PPM1E: variants seen among roughly 807,000 people sequenced by gnomAD.
PPM1E encodes protein phosphatase 1E.
In PPM1E, 20 loss-of-function variants were observed where a neutral mutation model predicts 65.9. The observed-to-expected ratio is 0.30, with a 90% CI of 0.21 to 0.44. The LOEUF is 0.44. PPM1E is among the 20% of genes least tolerant of loss of function. The pLI, the probability that PPM1E is intolerant of heterozygous loss-of-function variation, is 1.00. For synonymous variants in PPM1E, 352 were observed against 374.9 expected, an observed-to-expected ratio of 0.94 and a Z score of 0.70; for missense variants, 713 against 953.1, an observed-to-expected ratio of 0.75 and a Z score of 3.32.
intron 1 of PPM1E, among the ~76,000 whole-genome samples, chr17:58,837,595 A>G (rs1423450928): frequency 1.3e-5 from 2 of 150,862 alleles, no homozygotes; most frequent in Non-Finnish European, 3.0e-5. Flanking sequence ...CCTCCCAGGT[A>G]CAAGTGATTC....
intron 1 of PPM1E, among the ~76,000 whole-genome samples, chr17:58,945,488 C>A (rs1335404180): frequency 6.6e-6 from 1 of 152,202 alleles, no homozygotes; most frequent in African/African-American, 2.4e-5. Context: ...TCCCACCAAC[C>A]AATTCTCCAT....
At chr17:58,872,209 A>C (rs554320288) in intron 1 of PPM1E, among the ~76,000 whole-genome samples, 66 of 152,052 alleles carry the variant, frequency 4.3e-4, no homozygotes, top group Non-Finnish European at 8.4e-4. Context: ...AGACAGGAGA[A>C]TTGCTTGAAC....
chr17:58,845,662 A>G (rs967975782), intron 1 of PPM1E, among the ~76,000 whole-genome samples: 1 of 152,048 alleles, frequency 6.6e-6, no homozygotes, highest in Non-Finnish European at 1.5e-5. Flanking sequence ...ATATTGCAGC[A>G]TATATTAGAA....
Position 58,766,606 on chromosome 17 carries a change from TACAC to T in PPM1E, c.464+10169_464+10172del, listed in dbSNP as rs36067765. On this transcript the variant is annotated intron_variant, in intron 1 of 6. Transcript: ENST00000308249. ...GTATATTGTACTATATGTGTGTGTA[TACAC>T]ACACACACACACACACACACACAGT... Among the ~76,000 whole-genome samples, 424 of 123,558 alleles carry T rather than the reference TACAC, an allele frequency of 3.4e-3. 2 individuals are homozygous for T. Among genetic ancestry groups the T allele is most frequent in the African/African-American group, 0.01 (289 of 28,422 alleles). The allele number at this position is 123,558 out of a possible 152,430, so 81.1% of individuals were successfully genotyped here.
At chr17:58,927,099 T>C (rs2051832083) in intron 1 of PPM1E, among the ~76,000 whole-genome samples, 1 of 151,600 alleles carries the variant, frequency 6.6e-6, no homozygotes, top group South Asian at 2.1e-4. Context: ...ACTTTAGAGA[T>C]ATATTACTTA....
intron 1 of PPM1E, among the ~76,000 whole-genome samples, chr17:58,886,159 T>C (rs532625519): frequency 2.6e-5 from 4 of 152,354 alleles, no homozygotes; most frequent in Admixed American, 2.0e-4. Flanking sequence ...TTCTATTTGA[T>C]TGTCCTTGAG....
At chr17:58,864,499 G>C (rs2050977351) in intron 1 of PPM1E, among the ~76,000 whole-genome samples, 1 of 152,144 alleles carries the variant, frequency 6.6e-6, no homozygotes, top group African/African-American at 2.4e-5. Context: ...AATTAGCCAG[G>C]TGTGGTGGCT....
intron 1 of PPM1E, among the ~76,000 whole-genome samples, chr17:58,955,030 T>A (rs1351382765): frequency 6.6e-6 from 1 of 152,104 alleles, no homozygotes; most frequent in African/African-American, 2.4e-5. Context: ...ATACCCCTCT[T>A]TATTATTCTC....
At chr17:58,890,093 G>A (rs1461805669) in intron 1 of PPM1E, among the ~76,000 whole-genome samples, 6 of 152,136 alleles carry the variant, frequency 3.9e-5, no homozygotes, top group Admixed American at 2.0e-4. Flanking sequence ...TGCTCCTAGA[G>A]GAAATAGAGG....
intron 1 of PPM1E, among the ~76,000 whole-genome samples, chr17:58,762,783 A>C (rs912132415): frequency 6.6e-6 from 1 of 151,232 alleles, no homozygotes; most frequent in Non-Finnish European, 1.5e-5. Flanking sequence ...CTGTAGTCCC[A>C]GCTACTTGGG....
chr17:58,958,664 T>A (rs1049435646), intron 2 of PPM1E, among the ~76,000 whole-genome samples: 1 of 151,410 alleles, frequency 6.6e-6, no homozygotes, highest in Non-Finnish European at 1.5e-5. Context: ...AGAAAGAGAT[T>A]GAGAAAATTA....
chr17:58,871,157 C>T (rs1280778094), intron 1 of PPM1E, among the ~76,000 whole-genome samples: 1 of 152,130 alleles, frequency 6.6e-6, no homozygotes, highest in African/African-American at 2.4e-5. Context: ...TTATTTCAGC[C>T]TCCCAAGTAG....
chr17:58,933,402 C>T (rs1170730346), intron 1 of PPM1E, among the ~76,000 whole-genome samples: 3 of 151,956 alleles, frequency 2.0e-5, no homozygotes, highest in Admixed American at 6.6e-5. Flanking sequence ...AGCAAGAAAT[C>T]GGAAACAACT....
intron 1 of PPM1E, among the ~76,000 whole-genome samples, chr17:58,863,733 G>A (rs1321943752): frequency 1.3e-5 from 2 of 152,170 alleles, no homozygotes; most frequent in African/African-American, 4.8e-5. Context: ...TGGGGTGCTG[G>A]AAAGGGGATG....
intron 1 of PPM1E, among the ~76,000 whole-genome samples, chr17:58,860,656 G>A (rs1236044843): frequency 6.6e-6 from 1 of 152,172 alleles, no homozygotes; most frequent in Non-Finnish European, 1.5e-5. Context: ...TAACATACTC[G>A]CTTTAGGCCG....
intron 1 of PPM1E, among the ~76,000 whole-genome samples, chr17:58,796,786 ATCCAT>A (rs1291395916): frequency 1.1e-4 from 16 of 151,980 alleles, no homozygotes; most frequent in Non-Finnish European, 2.9e-5. Context: ...ACATCATTCT[ATCCAT>A]TTTGTTTTTG....
intron 1 of PPM1E, among the ~76,000 whole-genome samples, chr17:58,818,031 G>T (rs544965441): frequency 1.3e-5 from 2 of 152,042 alleles, no homozygotes; most frequent in African/African-American, 2.4e-5. Context: ...GAGCCACCGC[G>T]CCCGGCCCAC....
intron 1 of PPM1E, among the ~76,000 whole-genome samples, chr17:58,915,372 C>T (rs1375858446): frequency 2.0e-5 from 3 of 152,138 alleles, no homozygotes; most frequent in South Asian, 2.1e-4. Context: ...GACCAGAGGT[C>T]GCTCTGGTTG....
intron 6 of PPM1E, among the ~76,000 whole-genome samples, chr17:58,974,208 CT>C (rs2030851177): frequency 1.3e-5 from 2 of 152,154 alleles, no homozygotes; most frequent in Non-Finnish European, 2.9e-5. Flanking sequence ...GAATGGAAGC[CT>C]TTCTCCGTAT....
Sources: allele counts gnomAD v4.1 joint callset (sites outside exome capture counted in the v4.1 genomes callset), GRCh38; gene constraint gnomAD v4.1.1; transcripts MANE v1.5; gene names NCBI Gene and HGNC (gene_info 2026-07-23, HGNC 2026-07-21).